Variants in CUBN observed in about 807,000 individuals in gnomAD.
CUBN encodes cubilin, also known as 460 kDa receptor.
Under a neutral mutation model 405.3 loss-of-function variants are expected in CUBN, and 282 were observed. The ratio of observed to expected loss-of-function variants is 0.70; its 90% CI spans 0.63 to 0.77. CUBN has a LOEUF of 0.77. Ranked by LOEUF, CUBN falls within the 30% of genes least tolerant of loss-of-function variation. CUBN has a pLI of 0.00. For missense variants in CUBN, 4,514 were observed against 4,475.2 expected, an observed-to-expected ratio of 1.01 and a Z score of -0.25; for synonymous variants, 1,684 against 1,617.0, an observed-to-expected ratio of 1.04 and a Z score of -0.99.
chr10:16,940,766 A>G (rs1424015346), intron 36 of CUBN, among the ~76,000 whole-genome samples: 1 of 152,234 alleles, frequency 6.6e-6, no homozygotes, highest in Non-Finnish European at 1.5e-5. Flanking sequence ...GAGTACCTCT[A>G]AGACATGGTG....
At chr10:16,933,649 G>T (rs141915733) in intron 39 of CUBN, among the ~76,000 whole-genome samples, 21 of 151,806 alleles carry the variant, frequency 1.4e-4, no homozygotes, top group Non-Finnish European at 2.9e-4. Context: ...TCATTTTTGC[G>T]TAGTTACTTT....
At chr10:17,017,990 G>A (rs1834383212) in intron 28 of CUBN, among the ~76,000 whole-genome samples, 1 of 152,152 alleles carries the variant, frequency 6.6e-6, no homozygotes, top group South Asian at 2.1e-4. Context: ...CTTGTTGTTG[G>A]GACCCCAGAG....
intron 10 of CUBN, 100 bp downstream of exon 10, chr10:17,109,540 T>C (rs1836718573): frequency 7.9e-6 from 8 of 1,013,270 alleles, no homozygotes; most frequent in Non-Finnish European, 1.5e-6. Flanking sequence ...AAGGTCAAAA[T>C]AACAATTTTG....
intron 8 of CUBN, 48 bp from the exon 9 acceptor site, chr10:17,111,098 C>A (rs778872458): frequency 6.2e-7 from 1 of 1,605,414 alleles, no homozygotes; most frequent in Admixed American, 1.7e-5. Context: ...GACAAGTCAA[C>A]AAGGAAGAAA....
Position 17,084,461 on chromosome 10 carries a change from G to A in CUBN, c.2111C>T (p.Ser704Leu), listed in dbSNP as rs761726613. Residue 704 changes from serine to leucine, a missense_variant and splice_region_variant, in exon 17 of 67, where the codon TCG becomes TTG. This residue lies in a region of CUBN where 1,448 missense variants were observed against 1,388.0 expected (regional missense o/e 1.04). Coordinates refer to ENST00000377833, the MANE Select transcript of CUBN (RefSeq NM_001081.4). ...GTAGTTCCCACCACAACGCAGATCC[G>A]CTAAGAACAGGGAAGAGACGAACAG... ...GFHITYLTSP[S>L]DLRCGGNYTD... 1.9e-5 allele frequency: 30 copies of A among 1,612,350 alleles called. No homozygotes were observed. Among genetic ancestry groups the A allele is most frequent in the Admixed American group, 3.3e-5 (2 of 59,842 alleles).
chr10:16,878,570 T>C (rs1840580765), intron 56 of CUBN, among the ~76,000 whole-genome samples: 1 of 152,212 alleles, frequency 6.6e-6, no homozygotes, highest in African/African-American at 2.4e-5. Flanking sequence ...GGTAAGACTA[T>C]TTTTCAGGTT....
At chr10:16,862,156 T>TCACACACACACA (rs1377846836) in intron 59 of CUBN, among the ~76,000 whole-genome samples, 11 of 92,792 alleles carry the variant, frequency 1.2e-4, no homozygotes, top group African/African-American at 6.2e-4. Flanking sequence ...TCTCTCTCTC[T>TCACACACACACA]CTCTCACACA....
chr10:16,923,814 G>C (rs1251732599), intron 43 of CUBN, among the ~76,000 whole-genome samples: 1 of 152,184 alleles, frequency 6.6e-6, no homozygotes, highest in Non-Finnish European at 1.5e-5. Flanking sequence ...GCTTACTCCA[G>C]TAATCCTAGC....
intron 17 of CUBN, among the ~76,000 whole-genome samples, chr10:17,076,748 T>C (rs1007761955): frequency 6.6e-6 from 1 of 152,210 alleles, no homozygotes; most frequent in Admixed American, 6.5e-5. Context: ...AGTCACTGCA[T>C]AATTCAACCA....
chr10:16,850,117 G>A (rs1035118456), intron 60 of CUBN, among the ~76,000 whole-genome samples: 25 of 152,022 alleles, frequency 1.6e-4, no homozygotes, highest in African/African-American at 5.6e-4. Flanking sequence ...GTTTTCCCTC[G>A]CTCTATCAAG....
intron 14 of CUBN, among the ~76,000 whole-genome samples, chr10:17,091,452 A>G (rs1836257409): frequency 6.6e-6 from 1 of 152,210 alleles, no homozygotes; most frequent in Admixed American, 6.5e-5. Flanking sequence ...CCTTTCCTAC[A>G]TGATCTCTGT....
chr10:17,127,262 T>G (rs866419250), intron 3 of CUBN, among the ~76,000 whole-genome samples: 1 of 80,334 alleles, frequency 1.2e-5, no homozygotes, highest in Non-Finnish European at 2.6e-5. Flanking sequence ...CTCTCTCTCT[T>G]TCTTTTTTTT....
chr10:17,018,820 G>A (rs534901172), intron 28 of CUBN, among the ~76,000 whole-genome samples: 7 of 152,196 alleles, frequency 4.6e-5, no homozygotes, highest in South Asian at 4.2e-4. Context: ...GACACAGAGC[G>A]CTGATTGGTG....
chr10:16,969,065 A>G (rs778319925), intron 31 of CUBN, among the ~76,000 whole-genome samples: 2 of 152,198 alleles, frequency 1.3e-5, no homozygotes, highest in African/African-American at 4.8e-5. Context: ...GCAGCATGCA[A>G]TTCTAGAAAA....
intron 56 of CUBN, among the ~76,000 whole-genome samples, chr10:16,884,160 G>T (rs1229341638): frequency 6.6e-6 from 1 of 151,906 alleles, no homozygotes; most frequent in African/African-American, 2.4e-5. Flanking sequence ...TTTGCATTTT[G>T]TTTAGTAGAG....
intron 26 of CUBN, among the ~76,000 whole-genome samples, chr10:17,042,963 A>T (rs1835049522): frequency 6.6e-6 from 1 of 152,182 alleles, no homozygotes; most frequent in African/African-American, 2.4e-5. Flanking sequence ...ATTCAGTAGA[A>T]TTATGTTTCC....
chr10:17,111,043 T>C lies in CUBN; in HGVS notation c.891A>G (p.Gln297=), dbSNP rs1220734084. The change falls in exon 9 of 67, where the codon CAA becomes CAG. Residue 297 remains glutamine, a synonymous_variant. Transcript: ENST00000377833. ...FYCGACPTGW[Q]GNGYICEDIN... The stretch of plus-strand genomic sequence containing the variant: ...TATCTTCGCAAATATATCCATTGCC[T>C]TGCCAGCCTAGGAAAACAAGAGGAT... 6.2e-7 allele frequency: 1 copy of C among 1,614,154 alleles called. No homozygotes were observed. The highest frequency in any genetic ancestry group is 1.1e-5 in the South Asian group (1 of 91,092).
intron 31 of CUBN, among the ~76,000 whole-genome samples, chr10:16,964,302 A>G (rs555673375): frequency 1.7e-4 from 26 of 152,340 alleles, no homozygotes; most frequent in African/African-American, 5.5e-4. Flanking sequence ...TAATAATCCA[A>G]ATGGTTAATA....
At chr10:16,902,093 A>G (rs1841405421) in intron 51 of CUBN, among the ~76,000 whole-genome samples, 1 of 137,826 alleles carries the variant, frequency 7.3e-6, no homozygotes. Flanking sequence ...TATATAGTAT[A>G]TATATATACA....
Sources: allele counts gnomAD v4.1 joint callset (sites outside exome capture counted in the v4.1 genomes callset), GRCh38; gene constraint gnomAD v4.1.1; regional missense constraint gnomAD v4.1.1; transcripts MANE v1.5; gene names NCBI Gene and HGNC (gene_info 2026-07-23, HGNC 2026-07-21).